AFF3: variants seen among roughly 807,000 people sequenced by gnomAD.
AFF3 encodes the protein AF4/FMR2 family member 3.
Under a neutral mutation model 129.7 loss-of-function variants are expected in AFF3, and 32 were observed. The ratio of observed to expected loss-of-function variants is 0.25; its 90% CI spans 0.19 to 0.33. AFF3 has a LOEUF of 0.33. AFF3 is among the 10% of genes least tolerant of loss of function. The pLI is 1.00. For missense variants in AFF3, 1,373 were observed against 1,592.0 expected (o/e 0.86, Z 2.34); for synonymous variants, 644 against 635.4 (o/e 1.01, Z -0.20).
intron 4 of AFF3, among the ~76,000 whole-genome samples, chr2:100,094,927 AGTGGGCCAT>A (rs1690166973): frequency 7.6e-6 from 1 of 131,588 alleles, no homozygotes; most frequent in Admixed American, 7.2e-5. Context: ...ACAAGAAGCA[AGTGGGCCAT>A]GTGGGCAACC....
At chr2:99,750,250 T>A (rs920371980) in intron 9 of AFF3, among the ~76,000 whole-genome samples, 1 of 151,968 alleles carries the variant, frequency 6.6e-6, no homozygotes, top group Non-Finnish European at 1.5e-5. Context: ...AACAGGCAAT[T>A]TGCAAAGGAA....
At chr2:99,946,723 C>T (rs1344803750) in intron 7 of AFF3, among the ~76,000 whole-genome samples, 1 of 152,122 alleles carries the variant, frequency 6.6e-6, no homozygotes, top group Non-Finnish European at 1.5e-5. Context: ...TTTTACTACA[C>T]ATATAAAATG....
chr2:99,692,762 C>T (rs1423889006), intron 11 of AFF3, among the ~76,000 whole-genome samples: 1 of 152,182 alleles, frequency 6.6e-6, no homozygotes, highest in Non-Finnish European at 1.5e-5. Context: ...CACCAGACTT[C>T]TGGACTGAGA....
chr2:99,696,004 C>T (rs1015144518), intron 11 of AFF3, among the ~76,000 whole-genome samples: 3 of 145,322 alleles, frequency 2.1e-5, no homozygotes, highest in African/African-American at 7.7e-5. Context: ...AACAAAGCCC[C>T]AACCACTCCA....
At chr2:100,016,014 TGTG>T (rs1003794088) in intron 4 of AFF3, among the ~76,000 whole-genome samples, 9 of 145,798 alleles carry the variant, frequency 6.2e-5, no homozygotes, top group South Asian at 2.1e-4. Context: ...GTGAAGGTGT[TGTG>T]GTAGTGGTGG....
intron 12 of AFF3, among the ~76,000 whole-genome samples, chr2:99,659,862 G>A (rs1391817483): frequency 6.6e-6 from 1 of 152,114 alleles, no homozygotes; most frequent in Non-Finnish European, 1.5e-5. Flanking sequence ...CCGCTGCTTC[G>A]TGGTCCAATC....
chr2:99,997,255 A>C lies in AFF3; in HGVS notation c.873+9377T>G, dbSNP rs540424107. Among the ~76,000 whole-genome samples, 17 of 152,312 alleles carry C rather than the reference A, an allele frequency of 1.1e-4. No homozygotes were observed. In the South Asian group the frequency reaches 3.5e-3, roughly 32 times the overall value. On this transcript the variant is annotated intron_variant, in intron 7 of 24. Coordinates refer to ENST00000672756, the MANE Select transcript of AFF3 (RefSeq NM_001386135.1). ...TCAAACTCAATAAGCCCAAGTGAGT[A>C]AGTAAACTCTTGCTCTTGCCCCCAA...
At chr2:99,762,801 C>A (rs557411083) in intron 8 of AFF3, among the ~76,000 whole-genome samples, 3 of 152,174 alleles carry the variant, frequency 2.0e-5, no homozygotes, top group Admixed American at 2.0e-4. Context: ...ATGAATTCTG[C>A]GACTTGGGAA....
intron 9 of AFF3, 101 bp downstream of exon 9, chr2:99,752,120 A>T (rs1681707699): frequency 9.3e-7 from 1 of 1,073,598 alleles, no homozygotes; most frequent in East Asian, 2.4e-5. Context: ...CTCTGGCAGG[A>T]ATATTTACAG....
intron 7 of AFF3, among the ~76,000 whole-genome samples, chr2:99,908,912 T>C (rs192078629): frequency 8.0e-4 from 122 of 152,320 alleles, no homozygotes; most frequent in Non-Finnish European, 1.2e-3. Flanking sequence ...TGGAAGTCGG[T>C]GTGGCGATTC....
chr2:100,130,552 C>T (rs1209147217), intron 1 of AFF3, among the ~76,000 whole-genome samples: 1 of 152,240 alleles, frequency 6.6e-6, no homozygotes, highest in East Asian at 1.9e-4. Flanking sequence ...CCCACAGGCA[C>T]ATCACTGCCT....
chr2:99,965,190 T>C (rs1280741853), intron 7 of AFF3, among the ~76,000 whole-genome samples: 2 of 152,180 alleles, frequency 1.3e-5, no homozygotes, highest in Admixed American at 1.3e-4. Context: ...GTTAGACATA[T>C]AAGACTAGAT....
chr2:99,767,870 G>A (rs967176911), intron 8 of AFF3, among the ~76,000 whole-genome samples: 1 of 152,186 alleles, frequency 6.6e-6, no homozygotes, highest in Non-Finnish European at 1.5e-5. Flanking sequence ...GCATGAACCC[G>A]GGAGGCGGAG....
At chr2:100,104,580 C>T in intron 3 of AFF3, 62 bp from the exon 4 acceptor site, 3 of 969,110 alleles carry the variant, frequency 3.1e-6, no homozygotes, top group Non-Finnish European at 3.7e-6. Flanking sequence ...GCCGCCCGCC[C>T]ACCGCCCACC....
intron 8 of AFF3, among the ~76,000 whole-genome samples, chr2:99,794,384 CTT>C (rs1381775639): frequency 6.6e-6 from 1 of 152,184 alleles, no homozygotes. Context: ...TCTAGAGATA[CTT>C]TAGCTGTATT....
At chr2:100,009,628 G>A (rs376480696) in intron 4 of AFF3, among the ~76,000 whole-genome samples, 2 of 152,292 alleles carry the variant, frequency 1.3e-5, no homozygotes, top group East Asian at 3.9e-4. Flanking sequence ...GCCTTTTGTT[G>A]AAGAAAATTA....
intron 3 of AFF3, chr2:100,104,798 AGCCGCCGCC>A (rs1161664536): frequency 0.12 from 72,583 of 615,254 alleles, 5,051 homozygotes; most frequent in Non-Finnish European, 0.13. Flanking sequence ...CCGCTGCTGC[AGCCGCCGCC>A]GCCGCCGCCG....
At position 99,630,153 on chromosome 2, in the gene AFF3, G is replaced by A. The variant is rs183040994; in HGVS notation, c.1184+19473C>T. ...GAGCTTTGCCTTTTCTAAGGTTTTA[G>A]CATCAAGACTTCCAGGAGATGCTCT... On this transcript the variant is annotated intron_variant, in intron 13 of 24. Coordinates refer to ENST00000672756, the MANE Select transcript of AFF3 (RefSeq NM_001386135.1). Among the ~76,000 whole-genome samples, 35 of 152,288 alleles carry A rather than the reference G, an allele frequency of 2.3e-4. 1 individual carries two copies. The highest frequency in any genetic ancestry group is 2.2e-3 in the Admixed American group (33 of 15,294).
At chr2:100,050,361 C>T (rs890329263) in intron 4 of AFF3, among the ~76,000 whole-genome samples, 7 of 152,026 alleles carry the variant, frequency 4.6e-5, no homozygotes, top group African/African-American at 1.7e-4. Flanking sequence ...CTCTGTCACC[C>T]AGGCTAGAGT....
Sources: allele counts gnomAD v4.1 joint callset (sites outside exome capture counted in the v4.1 genomes callset), GRCh38; gene constraint gnomAD v4.1.1; transcripts MANE v1.5; gene names NCBI Gene and HGNC (gene_info 2026-07-23, HGNC 2026-07-21).